The following GPATCH2 variants were observed in gnomAD, a reference collection of about 807,000 sequenced individuals.
GPATCH2 encodes the protein G patch domain-containing protein 2.
In GPATCH2, 51 loss-of-function variants were observed where a neutral mutation model predicts 58.0. The observed-to-expected ratio is 0.88, with a 90% CI of 0.70 to 1.11. The LOEUF (loss-of-function observed/expected upper bound fraction) is 1.11, where lower values mean the gene tolerates loss of function less well. GPATCH2 is among the 50% of genes most tolerant of loss of function. The probability of loss-of-function intolerance (pLI) is 0.00; values close to 1 mark genes in which losing one functional copy is unlikely to be tolerated. For missense variants in GPATCH2, 625 were observed against 652.2 expected, an observed-to-expected ratio of 0.96 and a Z score of 0.45; for synonymous variants, 222 against 218.5, an observed-to-expected ratio of 1.02 and a Z score of -0.14.
At chr1:217,499,746 T>C (rs1361752094) in intron 6 of GPATCH2, among the ~76,000 whole-genome samples, 8 of 151,898 alleles carry the variant, frequency 5.3e-5, no homozygotes, top group Admixed American at 3.3e-4. Flanking sequence ...TTTTTTTTTT[T>C]TATTTAAAGA....
intron 5 of GPATCH2, among the ~76,000 whole-genome samples, chr1:217,543,579 T>C (rs1027557828): frequency 7.2e-5 from 11 of 152,260 alleles, no homozygotes; most frequent in African/African-American, 2.4e-4. Context: ...AGGAATGTTT[T>C]AAATCTGCTC....
Position 217,610,372 on chromosome 1 carries a change from A to C in GPATCH2, c.1047T>G (p.His349Gln), listed in dbSNP as rs1668567207. 6.2e-7 allele frequency: 1 copy of C among 1,605,492 alleles called. No homozygotes were observed. The highest frequency in any genetic ancestry group is 1.3e-5 in the African/African-American group (1 of 74,834). The part of the protein sequence containing the change: ...RGFQARLSRL[H>Q]GMSSKNIKKS... ...TTTTAATATTCTTTGAAGACATTCC[A>C]TGAAGGCGACTGAGTCTAGCTTGGA... The change falls in exon 5 of 10, where the codon CAT becomes CAG. Residue 349 changes from histidine to glutamine, a missense_variant. Coordinates refer to ENST00000366935, the MANE Select transcript of GPATCH2 (RefSeq NM_018040.5).
At chr1:217,537,181 C>A (rs145339948) in intron 5 of GPATCH2, among the ~76,000 whole-genome samples, 95 of 151,626 alleles carry the variant, frequency 6.3e-4, no homozygotes, top group African/African-American at 2.3e-3. Context: ...GAGTCCTTTT[C>A]GGTTTATTCC....
intron 4 of GPATCH2, among the ~76,000 whole-genome samples, chr1:217,610,671 T>G (rs1668580129): frequency 6.6e-6 from 1 of 152,240 alleles, no homozygotes. Context: ...TCTTATCATT[T>G]CAACATTTTC....
chr1:217,592,956 T>C (rs1430424643), intron 5 of GPATCH2, among the ~76,000 whole-genome samples: 2 of 151,948 alleles, frequency 1.3e-5, no homozygotes, highest in African/African-American at 4.8e-5. Flanking sequence ...CAAAAATGGA[T>C]CTATGGTAAC....
chr1:217,484,423 C>G lies in GPATCH2; in HGVS notation c.1277+7257G>C, dbSNP rs201780177. Among the ~76,000 whole-genome samples the G allele has an allele frequency of 3.5e-4, 38 of 107,944 alleles. 1 individual carries two copies. The East Asian group carries it at 9.9e-3, about 28-fold the overall frequency. 70.8% of individuals were successfully genotyped at this position (107,944 alleles called of 152,430 possible). A position where few individuals can be genotyped will look rare whatever the true frequency, so the allele number is the denominator to read the frequency against. ...CACAGGTTTTCCTGGTTCTCAGGCC[C>G]TCAGACTCAGACTAGATCTACACCA... On this transcript the variant is annotated intron_variant, in intron 8 of 9. Transcript: ENST00000366935.
chr1:217,562,220 G>A (rs1480951067), intron 5 of GPATCH2, among the ~76,000 whole-genome samples: 2 of 152,018 alleles, frequency 1.3e-5, no homozygotes, highest in African/African-American at 4.8e-5. Context: ...ACACAGCATT[G>A]GGTTTATTAA....
At chr1:217,464,749 A>G (rs1660363729) in intron 8 of GPATCH2, among the ~76,000 whole-genome samples, 1 of 152,202 alleles carries the variant, frequency 6.6e-6, no homozygotes. Context: ...GGTTTATGAA[A>G]ACAACAGAAG....
At chr1:217,602,601 G>A (rs993347325) in intron 5 of GPATCH2, among the ~76,000 whole-genome samples, 7 of 152,116 alleles carry the variant, frequency 4.6e-5, no homozygotes, top group African/African-American at 1.7e-4. Flanking sequence ...GACCATGGAG[G>A]TCAGGCAGGG....
At chr1:217,505,635 A>C (rs1209699331) in intron 6 of GPATCH2, among the ~76,000 whole-genome samples, 1 of 152,144 alleles carries the variant, frequency 6.6e-6, no homozygotes, top group Non-Finnish European at 1.5e-5. Context: ...AGAAGGAAAG[A>C]GCTATTGCAA....
intron 5 of GPATCH2, among the ~76,000 whole-genome samples, chr1:217,557,231 AC>A (rs1237539967): frequency 6.6e-6 from 1 of 151,730 alleles, no homozygotes; most frequent in East Asian, 1.9e-4. Flanking sequence ...ACGTGGTGAA[AC>A]CCCGTCTCTA....
chr1:217,564,041 T>A (rs1666069147), intron 5 of GPATCH2, among the ~76,000 whole-genome samples: 1 of 64,610 alleles, frequency 1.5e-5, no homozygotes, highest in Non-Finnish European at 2.8e-5. Flanking sequence ...CAAAACTCCG[T>A]CTCGAAAAAA....
intron 5 of GPATCH2, among the ~76,000 whole-genome samples, chr1:217,606,823 A>G (rs536275413): frequency 6.6e-6 from 1 of 152,308 alleles, no homozygotes; most frequent in Non-Finnish European, 1.5e-5. Flanking sequence ...AGTCCCAGCT[A>G]TTGTGTTTAA....
intron 5 of GPATCH2, among the ~76,000 whole-genome samples, chr1:217,534,957 G>C (rs1664392004): frequency 6.6e-6 from 1 of 152,118 alleles, no homozygotes; most frequent in African/African-American, 2.4e-5. Flanking sequence ...TACTTCTCTT[G>C]CCTTATAGGT....
chr1:217,623,232 A>C (rs2102849024), intron 1 of GPATCH2, among the ~76,000 whole-genome samples: 1 of 152,290 alleles, frequency 6.6e-6, no homozygotes, highest in East Asian at 1.9e-4. Flanking sequence ...TGGCCAGTTC[A>C]AAATAATAAA....
intron 5 of GPATCH2, among the ~76,000 whole-genome samples, chr1:217,536,181 T>G (rs969294668): frequency 6.6e-6 from 1 of 152,236 alleles, no homozygotes; most frequent in African/African-American, 2.4e-5. Flanking sequence ...GAAGAAAGAA[T>G]GAGTGCTTTG....
rs1389790730 is a variant in GPATCH2, at chr1:217,592,045, C to A, written c.1098+18276G>T. ...ACAAGTTCACAACTTAAAGAAAGAA[C>A]TATTTTTTGATGAACAAGAAAGACT... is the stretch of plus-strand genomic sequence containing the variant. On this transcript the variant is annotated intron_variant, in intron 5 of 9. Transcript: ENST00000366935. Among the ~76,000 whole-genome samples, 4 of 151,916 alleles carry A rather than the reference C, an allele frequency of 2.6e-5. No homozygotes were observed. In the East Asian group the frequency reaches 7.7e-4, roughly 29 times the overall value.
intron 6 of GPATCH2, among the ~76,000 whole-genome samples, chr1:217,502,653 C>T (rs1558439219): frequency 6.6e-6 from 1 of 151,944 alleles, no homozygotes; most frequent in Non-Finnish European, 1.5e-5. Context: ...ATCTGGTGAT[C>T]TTTACTTATC....
At chr1:217,570,976 T>G (rs529143749) in intron 5 of GPATCH2, among the ~76,000 whole-genome samples, 19 of 152,226 alleles carry the variant, frequency 1.2e-4, no homozygotes, top group Non-Finnish European at 2.6e-4. Context: ...GAAAACTGAT[T>G]AATGAATTGG....
Sources: gnomAD v4.1 joint callset for allele counts (sites outside exome capture counted in the v4.1 genomes callset) on GRCh38, gnomAD v4.1.1 for gene constraint, MANE v1.5 for transcripts, NCBI Gene and HGNC (gene_info 2026-07-23, HGNC 2026-07-21) for gene names.